PARD3B: variants seen among roughly 807,000 people sequenced by gnomAD.
The protein encoded by PARD3B is partitioning defective 3 homolog B.
A neutral mutation model predicts 130.2 loss-of-function variants in PARD3B; 103 were observed. The observed-to-expected ratio is 0.79, with a 90% CI of 0.67 to 0.93. PARD3B has a LOEUF of 0.93. PARD3B is among the 40% of genes least tolerant of loss of function. The probability of loss-of-function intolerance (pLI) is 0.00; values close to 1 mark genes in which losing one functional copy is unlikely to be tolerated. For missense variants in PARD3B, 1,609 were observed against 1,499.2 expected (o/e 1.07, Z -1.21); for synonymous variants, 583 against 553.2 (o/e 1.05, Z -0.76).
chr2:204,702,143 C>T (rs1006740801), intron 2 of PARD3B, among the ~76,000 whole-genome samples: 4 of 152,112 alleles, frequency 2.6e-5, no homozygotes, highest in African/African-American at 9.7e-5. Context: ...GCCAATCCAC[C>T]ATTGATGGAC....
chr2:204,999,832 G>T (rs527539390), intron 3 of PARD3B, among the ~76,000 whole-genome samples: 2 of 152,160 alleles, frequency 1.3e-5, no homozygotes, highest in East Asian at 3.9e-4. Context: ...CTGAACTTTT[G>T]GAGTGATAAG....
At chr2:204,821,704 T>TA (rs965211843) in intron 2 of PARD3B, among the ~76,000 whole-genome samples, 5 of 150,468 alleles carry the variant, frequency 3.3e-5, no homozygotes, top group Non-Finnish European at 4.4e-5. Context: ...AATAATAAAA[T>TA]AAAAAAAATT....
rs1193341315 is a variant in PARD3B, at chr2:205,280,248, G to T, written c.2186-20282G>T. 6.6e-6 allele frequency among the ~76,000 whole-genome samples: 1 copy of T among 152,098 alleles called. No individual in the cohort carries two copies. Among genetic ancestry groups the T allele is most frequent in the Non-Finnish European group, 1.5e-5 (1 of 68,014 alleles). On this transcript the variant is annotated intron_variant, in intron 16 of 22. Transcript: ENST00000406610. This position sits in a 1 kb window ranked among gnomAD's most constrained non-coding sequence, Gnocchi z 4.7. ...TTGGAACAGAAAAATAACATTAACAGGTTATTAAACTGTTTGTCACCAAAG... is the reference window on the plus strand; with the variant it reads ...TTGGAACAGAAAAATAACATTAACATGTTATTAAACTGTTTGTCACCAAAG...
Position 205,258,109 on chromosome 2 carries a change from A to G in PARD3B, c.2185+12287A>G, listed in dbSNP as rs1332569138. ...ATTTCATTGGAGAGAGAAACATAACAGATGCAATGGTACACTTCCATGTGG... is the reference window on the plus strand; with the variant it reads ...ATTTCATTGGAGAGAGAAACATAACGGATGCAATGGTACACTTCCATGTGG... On this transcript the variant is annotated intron_variant, in intron 16 of 22. Coordinates refer to ENST00000406610, the MANE Select transcript of PARD3B (RefSeq NM_001302769.2). The surrounding 1 kb of genome is among the most constrained non-coding windows in gnomAD (Gnocchi z 4.9). Among the ~76,000 whole-genome samples, 1 of 152,188 alleles carries G rather than the reference A, an allele frequency of 6.6e-6. No individual in the cohort carries two copies. Among genetic ancestry groups the G allele is most frequent in the African/African-American group, 2.4e-5 (1 of 41,434 alleles).
chr2:205,172,515 G>T, intron 12 of PARD3B, 134 bp downstream of exon 12: 3 of 889,698 alleles, frequency 3.4e-6, no homozygotes, highest in Non-Finnish European at 5.0e-6. Context: ...GGAAACAGGT[G>T]GTTGTGTATT....
intron 10 of PARD3B, among the ~76,000 whole-genome samples, chr2:205,150,229 GTGTGTGTGTGTGTGTGTGTGTGTGCA>G (rs1460204597): frequency 8.3e-6 from 1 of 120,058 alleles, no homozygotes; most frequent in Non-Finnish European, 1.8e-5. Flanking sequence ...GTGTGTGTGT[GTGTGTGTGTGTGTGTGTGTGTGTGCA>G]CACACGCTTG....
chr2:205,103,163 T>TTTTATATTTATGTAAAATAAAC (rs1702916643), intron 4 of PARD3B, among the ~76,000 whole-genome samples: 15 of 57,458 alleles, frequency 2.6e-4, no homozygotes, highest in East Asian at 9.3e-4. Context: ...AAAATAAACA[T>TTTTATATTTATGTAAAATAAAC]ATTTTATATT....
chr2:204,792,810 A>G (rs2042242844), intron 2 of PARD3B, among the ~76,000 whole-genome samples: 1 of 152,086 alleles, frequency 6.6e-6, no homozygotes, highest in Non-Finnish European at 1.5e-5. Context: ...GCTAATTTCG[A>G]TTCTTTCAGA....
chr2:205,381,257 TATATA>T (rs1214873659), intron 18 of PARD3B, among the ~76,000 whole-genome samples: 1 of 86,950 alleles, frequency 1.2e-5, no homozygotes, highest in Non-Finnish European at 2.3e-5. Flanking sequence ...ATATGTTATA[TATATA>T]ATATATATGT....
intron 15 of PARD3B, among the ~76,000 whole-genome samples, chr2:205,201,192 G>A (rs1244141775): frequency 1.3e-5 from 2 of 152,110 alleles, no homozygotes; most frequent in East Asian, 1.9e-4. Context: ...TTGAGTCATA[G>A]GAGAGCTCTC....
intron 2 of PARD3B, among the ~76,000 whole-genome samples, chr2:204,900,204 C>G (rs1223492617): frequency 1.3e-5 from 2 of 152,050 alleles, no homozygotes; most frequent in Non-Finnish European, 2.9e-5. Context: ...ATTTTCTATC[C>G]CTATCTCTCT....
At chr2:205,533,225 T>C (rs967243470) in intron 21 of PARD3B, among the ~76,000 whole-genome samples, 6 of 146,128 alleles carry the variant, frequency 4.1e-5, no homozygotes, top group Admixed American at 2.7e-4. Flanking sequence ...TATTCTCTTC[T>C]CCCAAAGGAA....
chr2:204,607,789 G>GA (rs1313427036), intron 1 of PARD3B, among the ~76,000 whole-genome samples: 3 of 152,154 alleles, frequency 2.0e-5, no homozygotes, highest in Non-Finnish European at 4.4e-5. Flanking sequence ...CAGACTTCGC[G>GA]AGAGAGGGAT....
At chr2:204,886,303 T>A (rs1471786496) in intron 2 of PARD3B, among the ~76,000 whole-genome samples, 1 of 152,188 alleles carries the variant, frequency 6.6e-6, no homozygotes. Context: ...TCTATTTTTA[T>A]GAGTTCCCAT....
intron 6 of PARD3B, among the ~76,000 whole-genome samples, 177 bp downstream of exon 6, chr2:205,113,754 T>C (rs1703825106): frequency 6.6e-6 from 1 of 152,138 alleles, no homozygotes. Flanking sequence ...TAATTGACTT[T>C]AGGATGTAAT....
chr2:205,468,414 A>G (rs1466858512), intron 20 of PARD3B, among the ~76,000 whole-genome samples: 2 of 152,224 alleles, frequency 1.3e-5, no homozygotes, highest in Admixed American at 1.3e-4. Context: ...TCATCCCTCA[A>G]GAAGTCGTGC....
intron 2 of PARD3B, among the ~76,000 whole-genome samples, chr2:204,758,583 C>A (rs1861764): frequency 0.61 from 92,205 of 151,970 alleles, 31,565 homozygotes; most frequent in South Asian, 0.76. Flanking sequence ...CTTTAGATTG[C>A]AAAGGCCAAT....
At chr2:205,502,147 G>C (rs1426255315) in intron 21 of PARD3B, among the ~76,000 whole-genome samples, 1 of 152,142 alleles carries the variant, frequency 6.6e-6, no homozygotes, top group Non-Finnish European at 1.5e-5. Flanking sequence ...TTTGTATTAA[G>C]GCAGGTTTCC....
chr2:205,044,161 T>G (rs986412049), intron 3 of PARD3B, among the ~76,000 whole-genome samples: 11 of 152,094 alleles, frequency 7.2e-5, no homozygotes, highest in African/African-American at 2.7e-4. Flanking sequence ...CTGCATAGTA[T>G]TCCATGGTGT....
Sources: allele counts gnomAD v4.1 joint callset (sites outside exome capture counted in the v4.1 genomes callset), GRCh38; gene constraint gnomAD v4.1.1; non-coding constraint Gnocchi (gnomAD v3.1); transcripts MANE v1.5; gene names NCBI Gene and HGNC (gene_info 2026-07-23, HGNC 2026-07-21).